Variants in MALRD1 observed in about 807,000 individuals in gnomAD.
MALRD1 encodes MAM and LDL-receptor class A domain-containing protein 1.
Under a neutral mutation model 242.1 loss-of-function variants are expected in MALRD1, and 247 were observed. That is an observed-to-expected ratio of 1.02 (90% CI 0.92 to 1.13). MALRD1 has a LOEUF of 1.13. Ranked by LOEUF, MALRD1 falls within the 50% of genes most tolerant of loss-of-function variation. The pLI is 0.00. For synonymous variants in MALRD1, 995 were observed against 866.6 expected, an observed-to-expected ratio of 1.15 and a Z score of -2.60; for missense variants, 2,989 against 2,533.1, an observed-to-expected ratio of 1.18 and a Z score of -3.86.
intron 38 of MALRD1, among the ~76,000 whole-genome samples, chr10:19,705,153 T>C (rs1833806717): frequency 6.6e-6 from 1 of 152,214 alleles, no homozygotes; most frequent in Admixed American, 6.5e-5. Context: ...TGCAAACATT[T>C]GTATGATAAT....
intron 36 of MALRD1, among the ~76,000 whole-genome samples, chr10:19,623,174 T>A (rs1564492496): frequency 6.6e-6 from 1 of 151,920 alleles, no homozygotes; most frequent in African/African-American, 2.4e-5. Flanking sequence ...TTTAACAACG[T>A]TTTTTAATGA....
chr10:19,485,117 A>G (rs1837180112), intron 29 of MALRD1, among the ~76,000 whole-genome samples: 1 of 152,212 alleles, frequency 6.6e-6, no homozygotes, highest in South Asian at 2.1e-4. Flanking sequence ...AGTTGGAGCT[A>G]AGCTATGGAT....
At chr10:19,386,075 A>G (rs1404991569) in intron 26 of MALRD1, among the ~76,000 whole-genome samples, 3 of 152,280 alleles carry the variant, frequency 2.0e-5, no homozygotes, top group Admixed American at 2.0e-4. Context: ...CAAAATTGCC[A>G]GAAGCCTTCA....
Position 19,066,836 on chromosome 10 carries a change from A to G in MALRD1, c.317A>G (p.Tyr106Cys), listed in dbSNP as rs770773408. The change falls in exon 2 of 40, where the codon TAT (tyrosine) becomes TGT (cysteine). Residue 106 changes from tyrosine (Y) to cysteine (C), a missense_variant. Coordinates refer to ENST00000454679, the MANE Select transcript of MALRD1 (RefSeq NM_001142308.3). The part of the protein sequence containing the change: ...SGMIGLSPPF[Y>C]DHNGDVSAHF... Reference sequence around the variant, plus strand: ...ATGATTGGTCTATCACCTCCATTTTATGATCACAATGGTGATGTGTCTGGT... The same window carrying G: ...ATGATTGGTCTATCACCTCCATTTTGTGATCACAATGGTGATGTGTCTGGT... 1 of 1,233,674 alleles carries G rather than the reference A, an allele frequency of 8.1e-7. No individual in the cohort carries two copies. The highest frequency in any genetic ancestry group is 1.0e-6 in the Non-Finnish European group (1 of 988,006). The allele number at this position is 1,233,674 out of a possible 1,614,324, so 76.4% of individuals were successfully genotyped here. A position where few individuals can be genotyped will look rare whatever the true frequency, so the allele number is the denominator to read the frequency against.
intron 18 of MALRD1, among the ~76,000 whole-genome samples, chr10:19,218,602 A>C (rs1283865919): frequency 2.0e-5 from 3 of 152,190 alleles, no homozygotes; most frequent in Non-Finnish European, 4.4e-5. Context: ...TCATATAATT[A>C]GAAAATTTAT....
At chr10:19,173,616 G>A (rs12245038) in intron 13 of MALRD1, among the ~76,000 whole-genome samples, 1,910 of 152,112 alleles carry the variant, frequency 0.013, 40 homozygotes, top group African/African-American at 0.043. Flanking sequence ...CTTATACTCC[G>A]TTAACACCCA....
chr10:19,173,948 A>C (rs961337313), intron 13 of MALRD1, among the ~76,000 whole-genome samples: 1 of 152,214 alleles, frequency 6.6e-6, no homozygotes, highest in Non-Finnish European at 1.5e-5. Context: ...TGGAAGCCCT[A>C]TAACAAAAGA....
chr10:19,275,144 A>G (rs1241157260), intron 19 of MALRD1, among the ~76,000 whole-genome samples: 1 of 152,134 alleles, frequency 6.6e-6, no homozygotes, highest in African/African-American at 2.4e-5. Flanking sequence ...CTATAATAAC[A>G]ATTTATTTAG....
chr10:19,200,637 T>G (rs1271995744), intron 14 of MALRD1, among the ~76,000 whole-genome samples: 3 of 139,416 alleles, frequency 2.2e-5, no homozygotes, highest in Non-Finnish European at 3.1e-5. Context: ...TCTCCCTCCC[T>G]GCTTGAGGTT....
In MALRD1 at chr10:19,595,265, C is replaced by T; in HGVS notation, c.5752C>T (p.Pro1918Ser). 1 of 1,550,396 alleles carries T rather than the reference C, an allele frequency of 6.4e-7. No individual in the cohort carries two copies. The highest frequency in any genetic ancestry group is 8.7e-7 in the Non-Finnish European group (1 of 1,146,828). The change falls in exon 34 of 40, where the codon CCT becomes TCT. Residue 1918 changes from proline to serine, a missense_variant. Pro to Ser is a moderately conservative substitution (Grantham distance 74, BLOSUM62 -1). Coordinates refer to ENST00000454679, the MANE Select transcript of MALRD1 (RefSeq NM_001142308.3). ...FSCIYTLQCV[P>S]LSGKCDGHED... The stretch of plus-strand genomic sequence containing the variant: ...TTGTATCTACACACTCCAATGTGTC[C>T]CTCTCTCAGGGAAATGTGATGGACA...
chr10:19,296,608 A>G (rs776915252), intron 21 of MALRD1, among the ~76,000 whole-genome samples: 29 of 152,240 alleles, frequency 1.9e-4, no homozygotes, highest in African/African-American at 6.7e-4. Context: ...TATGCTTACT[A>G]TAAAGAACTG....
At position 19,102,099 on chromosome 10, in the gene MALRD1, T is replaced by G. The variant is rs942412010; in HGVS notation, c.598-1880T>G. On this transcript the variant is annotated intron_variant, in intron 4 of 39. Transcript: ENST00000454679. The stretch of plus-strand genomic sequence containing the variant: ...ATATATGGTATAACATATTATTATA[T>G]CATATATGATATATGATATAAATTA... Among the ~76,000 whole-genome samples, 8 of 145,748 alleles carry G rather than the reference T, an allele frequency of 5.5e-5. No individual in the cohort carries two copies. The Admixed American group carries it at 5.6e-4, about 10-fold the overall frequency.
chr10:19,615,643 C>T (rs368790275), intron 35 of MALRD1, among the ~76,000 whole-genome samples: 5 of 151,244 alleles, frequency 3.3e-5, no homozygotes, highest in South Asian at 2.1e-4. Context: ...TTCAAGCATG[C>T]GAAGGGCATG....
chr10:19,324,143 C>T, intron 22 of MALRD1, 38 bp downstream of exon 22: 1 of 1,533,574 alleles, frequency 6.5e-7, no homozygotes, highest in Non-Finnish European at 8.8e-7. Flanking sequence ...AATTTTCTCT[C>T]TAAAAGTTCA....
intron 36 of MALRD1, among the ~76,000 whole-genome samples, chr10:19,631,457 G>C (rs7902178): frequency 0.028 from 4,283 of 152,076 alleles, 179 homozygotes; most frequent in African/African-American, 0.097. Context: ...ATGAACATAC[G>C]CATGCATGTG....
chr10:19,251,758 C>G (rs1037111637), intron 18 of MALRD1, among the ~76,000 whole-genome samples: 19 of 152,056 alleles, frequency 1.2e-4, no homozygotes, highest in Non-Finnish European at 2.4e-4. Context: ...ATGTCCCCCA[C>G]TTAAATCTCT....
chr10:19,598,682 G>A (rs1838221222), intron 34 of MALRD1, among the ~76,000 whole-genome samples: 1 of 152,058 alleles, frequency 6.6e-6, no homozygotes, highest in Admixed American at 6.6e-5. Context: ...ATAAAGCTCA[G>A]GAGAGAGCTA....
chr10:19,170,035 C>CA (rs898989077), intron 13 of MALRD1, among the ~76,000 whole-genome samples: 2 of 152,130 alleles, frequency 1.3e-5, no homozygotes, highest in African/African-American at 4.8e-5. Context: ...TAACAGAATA[C>CA]AAATTGCTTT....
chr10:19,577,144 T>C (rs1030253870), intron 33 of MALRD1, among the ~76,000 whole-genome samples: 5 of 152,164 alleles, frequency 3.3e-5, no homozygotes, highest in African/African-American at 9.7e-5. Flanking sequence ...GTCATTTTTA[T>C]GATTTTGGTT....
Sources: gnomAD v4.1 joint callset for allele counts (sites outside exome capture counted in the v4.1 genomes callset) on GRCh38, gnomAD v4.1.1 for gene constraint, MANE v1.5 for transcripts, NCBI Gene and HGNC (gene_info 2026-07-23, HGNC 2026-07-21) for gene names.